The following ABCD3 variants were observed in gnomAD, a reference collection of about 807,000 sequenced individuals.
ABCD3 encodes the protein ATP binding cassette subfamily D member 3.
In ABCD3, 41 loss-of-function variants were observed where a neutral mutation model predicts 105.5. That is an observed-to-expected ratio of 0.39 (90% CI 0.30 to 0.50). ABCD3 has a LOEUF of 0.50. ABCD3 is among the 20% of genes least tolerant of loss of function. ABCD3 has a pLI of 0.84. For missense variants in ABCD3, 622 were observed against 806.3 expected (o/e 0.77, Z 2.77); for synonymous variants, 258 against 269.0 (o/e 0.96, Z 0.40).
chr1:94,494,144 C>T (rs1649681133), intron 16 of ABCD3, among the ~76,000 whole-genome samples: 1 of 151,802 alleles, frequency 6.6e-6, no homozygotes, highest in South Asian at 2.1e-4. Flanking sequence ...TAAAATACAT[C>T]AAAATGTTTA....
At chr1:94,421,154 T>C (rs556664856) in intron 1 of ABCD3, among the ~76,000 whole-genome samples, 1 of 152,294 alleles carries the variant, frequency 6.6e-6, no homozygotes, top group Non-Finnish European at 1.5e-5. Context: ...CAATGCACTT[T>C]ACCCAAGGAG....
chr1:94,483,016 C>T (rs968652428), intron 9 of ABCD3, 154 bp from the exon 10 acceptor site: 23 of 636,878 alleles, frequency 3.6e-5, no homozygotes, highest in Admixed American at 5.0e-5. Context: ...AACAGAATCT[C>T]AGGTATAGAC....
At chr1:94,445,942 C>G (rs932906027) in intron 1 of ABCD3, among the ~76,000 whole-genome samples, 1 of 152,104 alleles carries the variant, frequency 6.6e-6, no homozygotes, top group African/African-American at 2.4e-5. Context: ...CTGCCTAAGG[C>G]TACTCTGCTA....
chr1:94,445,601 C>A (rs1186983146), intron 1 of ABCD3, among the ~76,000 whole-genome samples: 22 of 152,286 alleles, frequency 1.4e-4, no homozygotes, highest in Admixed American at 1.4e-3. Context: ...TCCTGCACCC[C>A]CTCCTTATTT....
intron 21 of ABCD3, among the ~76,000 whole-genome samples, chr1:94,513,007 C>T (rs1275867421): frequency 6.6e-6 from 1 of 151,916 alleles, no homozygotes; most frequent in East Asian, 1.9e-4. Flanking sequence ...GAATTTCAAG[C>T]CCTGCTAAAT....
intron 21 of ABCD3, among the ~76,000 whole-genome samples, chr1:94,509,189 C>G (rs535448458): frequency 2.0e-5 from 3 of 152,108 alleles, no homozygotes; most frequent in East Asian, 1.9e-4. Flanking sequence ...AGAGTTTTTA[C>G]CATGAATGGT....
At chr1:94,493,542 T>TC (rs1299256566) in intron 16 of ABCD3, among the ~76,000 whole-genome samples, 1 of 151,584 alleles carries the variant, frequency 6.6e-6, no homozygotes. Context: ...TGGGGATTCC[T>TC]CAGGGATCTA....
chr1:94,398,983 T>C, the ABCD3 span, among the ~76,000 whole-genome samples: 3 of 152,086 alleles, frequency 2.0e-5, no homozygotes, highest in South Asian at 2.1e-4. Context: ...TAGTATGTAG[T>C]TGTACTCTCA....
chr1:94,444,633 A>T (rs1660278280), intron 1 of ABCD3, among the ~76,000 whole-genome samples: 1 of 152,056 alleles, frequency 6.6e-6, no homozygotes, highest in South Asian at 2.1e-4. Context: ...TACATATATT[A>T]CTCATTTCAA....
intron 9 of ABCD3, chr1:94,482,851 T>G: frequency 3.1e-6 from 1 of 323,532 alleles, no homozygotes; most frequent in Non-Finnish European, 5.9e-6. Flanking sequence ...CAGCCCTGCC[T>G]TTCTGTACAT....
intron 1 of ABCD3, among the ~76,000 whole-genome samples, chr1:94,420,378 G>A (rs372433212): frequency 2.4e-4 from 37 of 152,302 alleles, no homozygotes; most frequent in African/African-American, 8.7e-4. Context: ...GTAAAATAAT[G>A]TAATAGAATT....
chr1:94,467,975 T>A lies in ABCD3; in HGVS notation c.303T>A (p.Val101=). The change falls in exon 4 of 23, where the codon GTT becomes GTA. Residue 101 remains valine, a synonymous_variant. Transcript: ENST00000370214. ...VMLVSRTYCD[V]WMIQNGTLIE... ...TGGTGTCTCGAACATATTGTGATGT[T>A]TGGATGATTCAAAATGGGACACTAA... 6.2e-7 allele frequency: 1 copy of A among 1,613,570 alleles called. No individual in the cohort carries two copies. Among genetic ancestry groups the A allele is most frequent in the African/African-American group, 1.3e-5 (1 of 75,020 alleles).
intron 15 of ABCD3, among the ~76,000 whole-genome samples, chr1:94,490,188 C>T (rs961306459): frequency 6.6e-6 from 1 of 151,894 alleles, no homozygotes; most frequent in Non-Finnish European, 1.5e-5. Flanking sequence ...GAAATGATTA[C>T]GTTTTGGCTA....
chr1:94,410,233 T>G, the ABCD3 span, among the ~76,000 whole-genome samples: 1 of 152,200 alleles, frequency 6.6e-6, no homozygotes, highest in African/African-American at 2.4e-5. Flanking sequence ...TTTCACTCTC[T>G]TATAGATTCC....
At chr1:94,397,110 A>G in the ABCD3 span, among the ~76,000 whole-genome samples, 4 of 152,164 alleles carry the variant, frequency 2.6e-5, no homozygotes, top group Non-Finnish European at 5.9e-5. Flanking sequence ...CTTTTTATAA[A>G]CTTGTTATTT....
chr1:94,507,138 C>T (rs1024738732), intron 21 of ABCD3, among the ~76,000 whole-genome samples: 24 of 152,096 alleles, frequency 1.6e-4, no homozygotes, highest in African/African-American at 5.8e-4. Flanking sequence ...TATCCCTCCC[C>T]CCTTCCCCCA....
At chr1:94,399,094 A>C in the ABCD3 span, among the ~76,000 whole-genome samples, 42 of 152,304 alleles carry the variant, frequency 2.8e-4, no homozygotes, top group African/African-American at 9.6e-4. Flanking sequence ...TACAAAATGC[A>C]CAAAGTCATG....
chr1:94,469,655 GT>G (rs1648350093), intron 4 of ABCD3, among the ~76,000 whole-genome samples: 1 of 110,570 alleles, frequency 9.0e-6, no homozygotes, highest in Admixed American at 9.2e-5. Context: ...AGTTTCCAGT[GT>G]TCTTGCCTTT....
intron 16 of ABCD3, among the ~76,000 whole-genome samples, chr1:94,495,182 T>C (rs1481272968): frequency 6.6e-6 from 1 of 152,222 alleles, no homozygotes; most frequent in African/African-American, 2.4e-5. Context: ...CACCATACTT[T>C]TATATAATTT....
Sources: allele counts gnomAD v4.1 joint callset (sites outside exome capture counted in the v4.1 genomes callset), GRCh38; gene constraint gnomAD v4.1.1; transcripts MANE v1.5; gene names NCBI Gene and HGNC (gene_info 2026-07-23, HGNC 2026-07-21).